CSGALNACT2: variants seen among roughly 807,000 people sequenced by gnomAD.
CSGALNACT2 encodes the protein beta 4 GalNAcT-2.
In CSGALNACT2, 35 loss-of-function variants were observed where a neutral mutation model predicts 55.3. The observed-to-expected ratio is 0.63, with a 90% CI of 0.48 to 0.84. The LOEUF is 0.84. Ranked by LOEUF, CSGALNACT2 falls within the 40% of genes least tolerant of loss-of-function variation. CSGALNACT2 has a pLI of 0.00. For synonymous variants in CSGALNACT2, 196 were observed against 224.9 expected (o/e 0.87, Z 1.15); for missense variants, 544 against 657.5 (o/e 0.83, Z 1.89).
At chr10:43,166,623 C>T (rs952373677) in intron 5 of CSGALNACT2, among the ~76,000 whole-genome samples, 4 of 152,164 alleles carry the variant, frequency 2.6e-5, no homozygotes, top group Non-Finnish European at 5.9e-5. Context: ...TCATTTTTGA[C>T]AGGTGGATTT....
At chr10:43,163,757 TATA>T in intron 4 of CSGALNACT2, 106 bp from the exon 5 acceptor site, 1 of 1,394,670 alleles carries the variant, frequency 7.2e-7, no homozygotes. Context: ...GTAGAACCAA[TATA>T]ATCAAATATT....
Position 43,183,722 on chromosome 10 carries a change from A to G in CSGALNACT2, c.*180A>G. On this transcript the variant is annotated 3_prime_UTR_variant, in exon 8 of 8. Coordinates refer to ENST00000374466, the MANE Select transcript of CSGALNACT2 (RefSeq NM_018590.5). The stretch of plus-strand genomic sequence containing the variant: ...GAAAAAACAAATGTTTCAACACAAA[A>G]TCTCTGTTTTGTGAGAATACTGCAC... 2 of 603,672 alleles carry G rather than the reference A, an allele frequency of 3.3e-6. No individual in the cohort carries two copies. Among genetic ancestry groups the G allele is most frequent in the Non-Finnish European group, 5.9e-6 (2 of 341,314 alleles). 37.4% of individuals were successfully genotyped at this position (603,672 alleles called of 1,614,324 possible). A position where few individuals can be genotyped will look rare whatever the true frequency, so the allele number is the denominator to read the frequency against.
intron 6 of CSGALNACT2, among the ~76,000 whole-genome samples, chr10:43,171,346 C>A (rs1358427512): frequency 6.6e-6 from 1 of 150,984 alleles, no homozygotes; most frequent in African/African-American, 2.4e-5. Context: ...TAAAAGCATG[C>A]TAATACTCTT....
chr10:43,183,220 T>C (rs1393258782), intron 7 of CSGALNACT2, 30 bp from the exon 8 acceptor site: 4 of 1,550,574 alleles, frequency 2.6e-6, no homozygotes, highest in Non-Finnish European at 3.6e-6. Flanking sequence ...TAATAGGCAG[T>C]TATTTATAGT....
At chr10:43,169,911 C>T (rs1252792381) in intron 6 of CSGALNACT2, among the ~76,000 whole-genome samples, 1 of 152,100 alleles carries the variant, frequency 6.6e-6, no homozygotes, top group Non-Finnish European at 1.5e-5. Context: ...AACTTTGATT[C>T]TAGAATTCAT....
At chr10:43,147,634 G>A (rs1838786498) in intron 1 of CSGALNACT2, among the ~76,000 whole-genome samples, 1 of 152,088 alleles carries the variant, frequency 6.6e-6, no homozygotes, top group South Asian at 2.1e-4. Flanking sequence ...TTACATGCTA[G>A]TGGATGTGGA....
At chr10:43,160,971 T>A (rs531018693) in intron 4 of CSGALNACT2, among the ~76,000 whole-genome samples, 1 of 152,286 alleles carries the variant, frequency 6.6e-6, no homozygotes, top group African/African-American at 2.4e-5. Flanking sequence ...CTGCTAACAA[T>A]GTTGAGGTCT....
chr10:43,150,292 A>G (rs1442581632), intron 1 of CSGALNACT2, among the ~76,000 whole-genome samples: 1 of 152,228 alleles, frequency 6.6e-6, no homozygotes, highest in Non-Finnish European at 1.5e-5. Flanking sequence ...AGATTTAGAT[A>G]ATAATGAGCA....
intron 3 of CSGALNACT2, 138 bp downstream of exon 3, chr10:43,159,069 T>C (rs1839087337): frequency 1.6e-6 from 1 of 606,670 alleles, no homozygotes; most frequent in Non-Finnish European, 2.9e-6. Flanking sequence ...TATTTTTTTA[T>C]ATTCTCTCTT....
intron 6 of CSGALNACT2, among the ~76,000 whole-genome samples, chr10:43,170,980 C>T (rs967919437): frequency 6.6e-6 from 1 of 152,102 alleles, no homozygotes; most frequent in Admixed American, 6.5e-5. Context: ...CCATCATAGC[C>T]AAGAGGAGAC....
chr10:43,169,162 A>T (rs897310454), intron 6 of CSGALNACT2, among the ~76,000 whole-genome samples: 4 of 152,214 alleles, frequency 2.6e-5, no homozygotes, highest in African/African-American at 9.6e-5. Context: ...AACTACTGTT[A>T]GCGCATTCCC....
In CSGALNACT2 at chr10:43,185,172, G is replaced by A. The variant is rs957532521; in HGVS notation, c.*1630G>A. The A allele has an allele frequency of 4.6e-5, 7 of 152,116 alleles. No individual in the cohort carries two copies. Among genetic ancestry groups the A allele is most frequent in the African/African-American group, 1.7e-4 (7 of 41,430 alleles). 9.4% of individuals were successfully genotyped at this position (152,116 alleles called of 1,614,324 possible). A position where few individuals can be genotyped will look rare whatever the true frequency, so the allele number is the denominator to read the frequency against. The stretch of plus-strand genomic sequence containing the variant: ...AGCTTGTTTTTTGAGAGAATCAAAT[G>A]AGTTTACTTTTGTTCCTGTTGTTTT... On this transcript the variant is annotated 3_prime_UTR_variant, in exon 8 of 8. Coordinates refer to ENST00000374466, the MANE Select transcript of CSGALNACT2 (RefSeq NM_018590.5).
In CSGALNACT2 at chr10:43,158,891, G is replaced by T; in HGVS notation, c.838G>T (p.Glu280Ter). 1 of 1,610,858 alleles carries T rather than the reference G, an allele frequency of 6.2e-7. No individual in the cohort carries two copies. Reference sequence around the variant, plus strand: ...TATTAATATCATTGTGCCACTTGCTGAAAGAACTGAAGCATTTGTACAATT... The same window carrying T: ...TATTAATATCATTGTGCCACTTGCTTAAAGAACTGAAGCATTTGTACAATT... ...SIINIIVPLAERTEAFVQFMQ... is the reference protein window; with the variant it reads ...SIINIIVPLA The change falls in exon 3 of 8, where the codon GAA becomes TAA. Residue 280 changes from glutamate (E) to a stop codon, truncating the protein, a stop_gained. Coordinates refer to ENST00000374466, the MANE Select transcript of CSGALNACT2 (RefSeq NM_018590.5). LOFTEE classifies it high-confidence loss of function.
At chr10:43,180,449 A>G (rs1839568927) in intron 7 of CSGALNACT2, among the ~76,000 whole-genome samples, 1 of 152,094 alleles carries the variant, frequency 6.6e-6, no homozygotes, top group African/African-American at 2.4e-5. Context: ...GATCTCTAGC[A>G]TTTTTTTAAA....
chr10:43,147,941 G>T (rs778463427), intron 1 of CSGALNACT2, among the ~76,000 whole-genome samples: 1 of 151,730 alleles, frequency 6.6e-6, no homozygotes, highest in Non-Finnish European at 1.5e-5. Context: ...TTTTGTCTTT[G>T]GTGTCATATC....
At position 43,166,966 on chromosome 10, in the gene CSGALNACT2, CT is replaced by C. The variant is rs1341073212; in HGVS notation, c.1160-36del. On this transcript the variant is annotated intron_variant, in intron 5 of 7. Coordinates refer to ENST00000374466, the MANE Select transcript of CSGALNACT2 (RefSeq NM_018590.5). ...TGCAATAAAGAACAGTTCTTCATAA[CT>C]TCTTTTTATGTTACAAACCTATATT... 6 of 1,286,998 alleles carry C rather than the reference CT, an allele frequency of 4.7e-6. No individual in the cohort carries two copies. In the African/African-American group the frequency reaches 7.4e-5, roughly 16 times the overall value. 79.7% of individuals were successfully genotyped at this position (1,286,998 alleles called of 1,614,324 possible).
chr10:43,141,948 A>G (rs113141357), intron 1 of CSGALNACT2, among the ~76,000 whole-genome samples: 7,210 of 152,260 alleles, frequency 0.047, 413 homozygotes, highest in African/African-American at 0.14. Context: ...GCTTATGGAA[A>G]GATGTGTTAG....
intron 4 of CSGALNACT2, chr10:43,162,547 G>A (rs1839175212): frequency 2.0e-6 from 2 of 985,282 alleles, no homozygotes; most frequent in Admixed American, 1.2e-4. Context: ...CCTTAAGACG[G>A]GGAGAAGAGT....
intron 7 of CSGALNACT2, 55 bp from the exon 8 acceptor site, chr10:43,183,195 C>G: frequency 7.5e-7 from 1 of 1,332,134 alleles, no homozygotes; most frequent in Non-Finnish European, 1.1e-6. Context: ...ATATATATCC[C>G]TGTGCTCTGG....
Sources: allele counts gnomAD v4.1 joint callset (sites outside exome capture counted in the v4.1 genomes callset), GRCh38; gene constraint gnomAD v4.1.1; transcripts MANE v1.5; gene names NCBI Gene and HGNC (gene_info 2026-07-23, HGNC 2026-07-21).